The following MIPEP variants were observed in gnomAD, a reference collection of about 807,000 sequenced individuals.
The protein encoded by MIPEP is mitochondrial intermediate peptidase.
In MIPEP, 79 loss-of-function variants were observed where a neutral mutation model predicts 90.3. That is an observed-to-expected ratio of 0.87 (90% confidence interval 0.73 to 1.05). MIPEP has a LOEUF of 1.05. Among genes scored for constraint, MIPEP ranks in the 50% least tolerant of loss-of-function variants. MIPEP has a pLI of 0.00. For synonymous variants in MIPEP, 334 were observed against 315.8 expected, an observed-to-expected ratio of 1.06 and a Z score of -0.61; for missense variants, 940 against 905.6, an observed-to-expected ratio of 1.04 and a Z score of -0.49.
chr13:23,734,361 AC>A (rs1269044355), intron 18 of MIPEP, among the ~76,000 whole-genome samples: 16 of 152,114 alleles, frequency 1.1e-4, no homozygotes, highest in Non-Finnish European at 1.5e-5. Flanking sequence ...AGGACCAAAA[AC>A]CCTGGTGCTC....
At chr13:23,833,956 A>C (rs528149116) in intron 14 of MIPEP, among the ~76,000 whole-genome samples, 1 of 152,140 alleles carries the variant, frequency 6.6e-6, no homozygotes, top group African/African-American at 2.4e-5. Flanking sequence ...TCCCACACTA[A>C]GTGGCGCCTC....
At chr13:23,765,592 T>G (rs1386350711) in intron 16 of MIPEP, among the ~76,000 whole-genome samples, 1 of 152,198 alleles carries the variant, frequency 6.6e-6, no homozygotes, top group East Asian at 1.9e-4. Flanking sequence ...AGTATAGAAA[T>G]GCAACCTATT....
At chr13:23,739,407 G>A (rs1168744064) in intron 18 of MIPEP, among the ~76,000 whole-genome samples, 1 of 152,200 alleles carries the variant, frequency 6.6e-6, no homozygotes, top group African/African-American at 2.4e-5. Context: ...CATTCTACAG[G>A]ACAATAATTT....
chr13:23,830,363 C>A (rs1040127211), intron 14 of MIPEP, among the ~76,000 whole-genome samples: 1 of 152,062 alleles, frequency 6.6e-6, no homozygotes, highest in Non-Finnish European at 1.5e-5. Flanking sequence ...AAACTGAACA[C>A]CACACTTCTT....
Position 23,874,927 on chromosome 13 carries a change from C to A in MIPEP, c.540-18G>T. ...CCACTCGCCTATAAATGAAATGAGC[C>A]CCAGGTTATAACAGGTAATAAAAAT... On this transcript the variant is annotated intron_variant, in intron 4 of 18. Transcript: ENST00000382172. The A allele has an allele frequency of 6.3e-7, 1 of 1,577,094 alleles. No individual in the cohort carries two copies. Among genetic ancestry groups the A allele is most frequent in the Non-Finnish European group, 8.6e-7 (1 of 1,168,756 alleles).
chr13:23,800,221 C>G (rs1236485949), intron 16 of MIPEP, among the ~76,000 whole-genome samples: 2 of 152,188 alleles, frequency 1.3e-5, no homozygotes, highest in African/African-American at 4.8e-5. Context: ...GGATCAAAGG[C>G]TAGAAGTTTC....
At chr13:23,800,766 A>G (rs9553068) in intron 16 of MIPEP, among the ~76,000 whole-genome samples, 36,108 of 152,132 alleles carry the variant, frequency 0.24, 4,681 homozygotes, top group East Asian at 0.46. Flanking sequence ...TATGACCTAC[A>G]TAAAGCTAGT....
chr13:23,869,210 C>G (rs1870669140), intron 7 of MIPEP, 82 bp downstream of exon 7: 1 of 1,274,098 alleles, frequency 7.8e-7, no homozygotes, highest in South Asian at 1.7e-5. Context: ...AAATAGAACA[C>G]TAATTTACAG....
chr13:23,855,407 G>T (rs1287187820), intron 10 of MIPEP, among the ~76,000 whole-genome samples: 1 of 151,670 alleles, frequency 6.6e-6, no homozygotes, highest in African/African-American at 2.4e-5. Context: ...TAAATCTGAG[G>T]TATTTAACAT....
intron 1 of MIPEP, among the ~76,000 whole-genome samples, chr13:23,887,029 C>G (rs1871518562): frequency 6.6e-6 from 1 of 152,138 alleles, no homozygotes; most frequent in South Asian, 2.1e-4. Flanking sequence ...AAAGTACTAA[C>G]AGCAGCAGCT....
At chr13:23,876,469 C>T (rs1871078292) in intron 4 of MIPEP, among the ~76,000 whole-genome samples, 1 of 152,208 alleles carries the variant, frequency 6.6e-6, no homozygotes, top group Admixed American at 6.5e-5. Context: ...CCACTTCACA[C>T]TTGGTGCCAC....
chr13:23,790,977 C>T (rs947970358), intron 16 of MIPEP, among the ~76,000 whole-genome samples: 1 of 152,094 alleles, frequency 6.6e-6, no homozygotes, highest in East Asian at 1.9e-4. Flanking sequence ...TTCATAATAT[C>T]CACTCCAAGC....
intron 3 of MIPEP, among the ~76,000 whole-genome samples, chr13:23,880,109 C>T (rs1388880008): frequency 6.6e-6 from 1 of 152,162 alleles, no homozygotes; most frequent in Non-Finnish European, 1.5e-5. Flanking sequence ...TCACCAGTCG[C>T]TACTCAGAGA....
At chr13:23,737,547 A>G (rs1190305411) in intron 18 of MIPEP, among the ~76,000 whole-genome samples, 3 of 152,204 alleles carry the variant, frequency 2.0e-5, no homozygotes, top group Non-Finnish European at 4.4e-5. Context: ...CAGCTCCAGG[A>G]TGAGTTCAAA....
In MIPEP at chr13:23,829,157, C is replaced by A. The variant is rs1402858334; in HGVS notation, c.1653+7083G>T. On this transcript the variant is annotated intron_variant, in intron 14 of 18. Transcript: ENST00000382172. ...AATGGATTCCCGCCTTATGCCAAAC[C>A]CAGAAAGAATTTCCAACTTGATTAA... Among the ~76,000 whole-genome samples the A allele has an allele frequency of 2.6e-5, 4 of 152,082 alleles. No homozygotes were observed. In the East Asian group the frequency reaches 7.7e-4, roughly 29 times the overall value.
At chr13:23,862,504 A>C in intron 8 of MIPEP, 142 bp from the exon 9 acceptor site, 1 of 558,200 alleles carries the variant, frequency 1.8e-6, no homozygotes, top group Non-Finnish European at 3.2e-6. Context: ...TATTAATCCA[A>C]ATTTTACCTA....
chr13:23,857,669 T>C (rs554868318), intron 10 of MIPEP, among the ~76,000 whole-genome samples: 1 of 152,296 alleles, frequency 6.6e-6, no homozygotes, highest in African/African-American at 2.4e-5. Context: ...TAAGTAAAAA[T>C]GGTTTTGGCA....
intron 18 of MIPEP, among the ~76,000 whole-genome samples, chr13:23,755,137 A>G (rs925107373): frequency 6.6e-6 from 1 of 152,208 alleles, no homozygotes; most frequent in Non-Finnish European, 1.5e-5. Flanking sequence ...AAGTTCAATA[A>G]GGACCAGTAA....
At chr13:23,774,293 A>G (rs895083154) in intron 16 of MIPEP, among the ~76,000 whole-genome samples, 2 of 151,952 alleles carry the variant, frequency 1.3e-5, no homozygotes, top group Non-Finnish European at 2.9e-5. Context: ...CCAGCACCAC[A>G]CAGTCTTGAT....
Sources: gnomAD v4.1 joint callset for allele counts (sites outside exome capture counted in the v4.1 genomes callset) on GRCh38, gnomAD v4.1.1 for gene constraint, MANE v1.5 for transcripts, NCBI Gene and HGNC (gene_info 2026-07-23, HGNC 2026-07-21) for gene names.